ARFGEF3: variants seen among roughly 807,000 people sequenced by gnomAD.
The protein encoded by ARFGEF3 is ARFGEF family member 3.
ARFGEF3 carries 96 observed loss-of-function variants against 221.7 expected under a neutral mutation model. The ratio of observed to expected loss-of-function variants is 0.43; its 90% confidence interval spans 0.37 to 0.51. The LOEUF (loss-of-function observed/expected upper bound fraction) is 0.51, where lower values mean the gene tolerates loss of function less well. Ranked by LOEUF, ARFGEF3 falls within the 20% of genes least tolerant of loss-of-function variation. The pLI is 0.00. For synonymous variants in ARFGEF3, 1,145 were observed against 1,126.8 expected (o/e 1.02, Z -0.32); for missense variants, 2,410 against 2,789.9 (o/e 0.86, Z 3.07).
chr6:138,255,363 T>A (rs769969130), intron 9 of ARFGEF3, 73 bp from the exon 10 acceptor site: 4 of 1,085,072 alleles, frequency 3.7e-6, no homozygotes, highest in Non-Finnish European at 5.4e-6. Context: ...TTCTATGGCA[T>A]CTGTTTACTC....
chr6:138,162,043 G>A lies in ARFGEF3; in HGVS notation c.-44G>A, dbSNP rs1289255128. On this transcript the variant is annotated 5_prime_UTR_variant, in exon 1 of 34. Coordinates refer to ENST00000251691, the MANE Select transcript of ARFGEF3 (RefSeq NM_020340.5). This position sits in a 1 kb window ranked among gnomAD's most constrained non-coding sequence, Gnocchi z 4.7. The stretch of plus-strand genomic sequence containing the variant: ...GGCTTCCCCGGCCCGGCTCGCCCGC[G>A]CTTCTCTCCCTGTGGGCGGCGGCCC... 1.4e-6 allele frequency: 2 copies of A among 1,461,280 alleles called. No individual in the cohort carries two copies. The highest frequency in any genetic ancestry group is 1.5e-5 in the African/African-American group (1 of 68,040). The allele number at this position is 1,461,280 out of a possible 1,614,324, so 90.5% of individuals were successfully genotyped here. A position where few individuals can be genotyped will look rare whatever the true frequency, so the allele number is the denominator to read the frequency against.
intron 13 of ARFGEF3, among the ~76,000 whole-genome samples, chr6:138,279,535 T>C (rs1779160499): frequency 6.6e-6 from 1 of 152,234 alleles, no homozygotes; most frequent in Admixed American, 6.5e-5. Flanking sequence ...TGGATCTACA[T>C]GAAGGAAATC....
chr6:138,217,952 A>T, intron 4 of ARFGEF3: 1 of 1,549,594 alleles, frequency 6.5e-7, no homozygotes, highest in Admixed American at 2.0e-5. Flanking sequence ...AACCATTTTT[A>T]TTTTTCTGGA....
chr6:138,317,245 T>C lies in ARFGEF3; in HGVS notation c.4346-6T>C, dbSNP rs770468136. On this transcript the variant is annotated splice_region_variant and splice_polypyrimidine_tract_variant and intron_variant, in intron 26 of 33. Transcript: ENST00000251691. The stretch of plus-strand genomic sequence containing the variant: ...ATTTCATACAGGTCTGCTTTTTGGT[T>C]TCCAGGTCTGATAGAAGTCTGGATA... 6.2e-7 allele frequency: 1 copy of C among 1,612,076 alleles called. No individual in the cohort carries two copies.
chr6:138,288,390 A>C (rs1779335399), intron 17 of ARFGEF3, among the ~76,000 whole-genome samples: 1 of 152,004 alleles, frequency 6.6e-6, no homozygotes, highest in Admixed American at 6.6e-5. Context: ...ATCTCAAAAA[A>C]ATAGATAAAA....
intron 5 of ARFGEF3, among the ~76,000 whole-genome samples, chr6:138,230,341 A>G (rs1420227217): frequency 1.3e-5 from 2 of 152,208 alleles, no homozygotes; most frequent in South Asian, 2.1e-4. Flanking sequence ...GCCCAGAGTA[A>G]TGTGTGCCTT....
intron 28 of ARFGEF3, 124 bp from the exon 29 acceptor site, chr6:138,320,987 T>C: frequency 1.6e-6 from 1 of 632,448 alleles, no homozygotes. Context: ...TTCTCATTGT[T>C]CTATTTCTTT....
Position 138,336,445 on chromosome 6 carries a change from TGGCTGGGCA to T in ARFGEF3, c.6496_6504del (p.Leu2166_Arg2168del). 1 of 1,612,430 alleles carries T rather than the reference TGGCTGGGCA, an allele frequency of 6.2e-7. No individual in the cohort carries two copies. Among genetic ancestry groups the T allele is most frequent in the Non-Finnish European group, 8.5e-7 (1 of 1,179,290 alleles). ...CAGAGTTCGCCAGGCTGTGAGGGAG[TGGCTGGGCA>T]GGGTGGGCCGTGTCTATGACATCAT... is the stretch of plus-strand genomic sequence containing the variant. On this transcript the variant is annotated inframe_deletion, in exon 34 of 34. Coordinates refer to ENST00000251691, the MANE Select transcript of ARFGEF3 (RefSeq NM_020340.5).
Position 138,335,032 on chromosome 6 carries a change from G to T in ARFGEF3, c.6186G>T (p.Pro2062=). 3.1e-6 allele frequency: 5 copies of T among 1,593,382 alleles called. No individual in the cohort carries two copies. The highest frequency in any genetic ancestry group is 4.3e-6 in the Non-Finnish European group (5 of 1,170,648). The change falls in exon 33 of 34, where the codon CCG becomes CCT. Residue 2062 remains proline (P), a synonymous_variant. Coordinates refer to ENST00000251691, the MANE Select transcript of ARFGEF3 (RefSeq NM_020340.5). The part of the protein sequence containing the change: ...EPLGPRGQDS[P]LLQRPQHLMD... Reference sequence around the variant, plus strand: ...TGGGTCCCAGGGGCCAGGACTCCCCGCTGCTTCAGCGTCCCCAGCACTTGA... The same window carrying T: ...TGGGTCCCAGGGGCCAGGACTCCCCTCTGCTTCAGCGTCCCCAGCACTTGA...
chr6:138,324,279 T>C, intron 31 of ARFGEF3, 125 bp downstream of exon 31: 1 of 1,116,394 alleles, frequency 9.0e-7, no homozygotes, highest in Non-Finnish European at 1.3e-6. Flanking sequence ...ACCTTGTAGC[T>C]CCCAACTCTT....
In ARFGEF3 at chr6:138,341,505, G is replaced by A. The variant is rs1373894063; in HGVS notation, c.*5019G>A. The A allele has an allele frequency of 6.5e-6, 1 of 154,698 alleles. No homozygotes were observed. The highest frequency in any genetic ancestry group is 6.5e-5 in the Admixed American group (1 of 15,284). 9.6% of individuals were successfully genotyped at this position (154,698 alleles called of 1,614,324 possible). ...TTCAATATGCTTGGGCACCACTTAG[G>A]TGACCCCAGGGAGATTTAGTGTGGC... is the stretch of plus-strand genomic sequence containing the variant. On this transcript the variant is annotated 3_prime_UTR_variant, in exon 34 of 34. Transcript: ENST00000251691.
chr6:138,286,619 T>A, intron 15 of ARFGEF3, 82 bp from the exon 16 acceptor site: 2 of 1,111,824 alleles, frequency 1.8e-6, no homozygotes, highest in Admixed American at 3.5e-5. Context: ...TACTGCTCAT[T>A]TGATAGCAAG....
chr6:138,171,084 A>G (rs534625537), intron 2 of ARFGEF3, among the ~76,000 whole-genome samples: 13 of 148,770 alleles, frequency 8.7e-5, no homozygotes, highest in South Asian at 4.1e-4. Context: ...ATCACCTCTC[A>G]TTAGGCCTGA....
chr6:138,307,901 A>G (rs1469956291), intron 23 of ARFGEF3, among the ~76,000 whole-genome samples: 1 of 152,184 alleles, frequency 6.6e-6, no homozygotes, highest in Non-Finnish European at 1.5e-5. Flanking sequence ...GTTGAGATTT[A>G]TTACACAGCT....
At chr6:138,270,118 G>A (rs561235192) in intron 12 of ARFGEF3, among the ~76,000 whole-genome samples, 18 of 152,092 alleles carry the variant, frequency 1.2e-4, no homozygotes, top group Non-Finnish European at 2.2e-4. Flanking sequence ...CTCTGGAAGC[G>A]CCACACAACA....
At position 138,334,702 on chromosome 6, in the gene ARFGEF3, C is replaced by T. The variant is rs199934499; in HGVS notation, c.5856C>T (p.Thr1952=). Reference sequence around the variant, plus strand: ...AGTCCGAGTCATCCACCCCATCCACCGGGGGCTTCTCTGGGAAAGAAACCC... The same window carrying T: ...AGTCCGAGTCATCCACCCCATCCACTGGGGGCTTCTCTGGGAAAGAAACCC... ...SFQSESSTPS[T]GGFSGKETPS... Residue 1952 remains threonine (T), a synonymous_variant, in exon 33 of 34, where the codon ACC becomes ACT. Coordinates refer to ENST00000251691, the MANE Select transcript of ARFGEF3 (RefSeq NM_020340.5). This position sits in a 1 kb window ranked among gnomAD's most constrained non-coding sequence, Gnocchi z 5.1. The T allele has an allele frequency of 1.3e-5, 21 of 1,610,456 alleles. No individual in the cohort carries two copies. Among genetic ancestry groups the T allele is most frequent in the Admixed American group, 5.0e-5 (3 of 59,918 alleles).
In ARFGEF3 at chr6:138,291,718, C is replaced by G; in HGVS notation, c.3048-15C>G. 1 of 1,330,258 alleles carries G rather than the reference C, an allele frequency of 7.5e-7. No individual in the cohort carries two copies. The highest frequency in any genetic ancestry group is 3.5e-5 in the Admixed American group (1 of 28,652). 82.4% of individuals were successfully genotyped at this position (1,330,258 alleles called of 1,614,324 possible). A position where few individuals can be genotyped will look rare whatever the true frequency, so the allele number is the denominator to read the frequency against. ...GCTGCAGCGCCTAACAGCTGCTTGT[C>G]TGTGCTCTTTCTAGGGTGTGTGAAT... On this transcript the variant is annotated splice_polypyrimidine_tract_variant and intron_variant, in intron 18 of 33. Coordinates refer to ENST00000251691, the MANE Select transcript of ARFGEF3 (RefSeq NM_020340.5). The surrounding 1 kb of genome is among the most constrained non-coding windows in gnomAD (Gnocchi z 4.5).
intron 4 of ARFGEF3, among the ~76,000 whole-genome samples, 196 bp downstream of exon 4, chr6:138,210,237 A>G (rs1777699359): frequency 6.6e-6 from 1 of 152,204 alleles, no homozygotes; most frequent in Non-Finnish European, 1.5e-5. Context: ...AATTTCAATC[A>G]ATCCTTGAGA....
chr6:138,319,618 T>C, intron 27 of ARFGEF3, 85 bp from the exon 28 acceptor site: 2 of 961,658 alleles, frequency 2.1e-6, no homozygotes, highest in South Asian at 3.3e-5. Context: ...GTAGGGATCC[T>C]TCCAAAGAGA....
Sources: gnomAD v4.1 joint callset for allele counts (sites outside exome capture counted in the v4.1 genomes callset) on GRCh38, gnomAD v4.1.1 for gene constraint, Gnocchi (gnomAD v3.1) non-coding constraint, MANE v1.5 for transcripts, NCBI Gene and HGNC (gene_info 2026-07-23, HGNC 2026-07-21) for gene names.